Variants in GMPR observed in about 807,000 individuals in gnomAD.
The protein encoded by GMPR is guanosine monophosphate reductase, also known as GMP reductase 1.
A neutral mutation model predicts 38.4 loss-of-function variants in GMPR; 31 were observed. The observed-to-expected ratio is 0.81, with a 90% confidence interval of 0.61 to 1.09. The LOEUF is 1.09. Ranked by LOEUF, GMPR falls within the 50% of genes least tolerant of loss-of-function variation. The pLI is 0.00. For missense variants in GMPR, 468 were observed against 453.7 expected (o/e 1.03, Z -0.29); for synonymous variants, 162 against 173.3 (o/e 0.93, Z 0.51).
chr6:16,254,662 C>G lies in GMPR; in HGVS notation c.392C>G (p.Ala131Gly). ...GTTAAGTTTATTTGCCTGGATGTGG[C>G]CAATGGGTATTCAGAACATTTTGTG... ...PQVKFICLDV[A>G]NGYSEHFVEF... The change falls in exon 4 of 9, where the codon GCC becomes GGC. Residue 131 changes from alanine (A) to glycine (G), a missense_variant. Coordinates refer to ENST00000259727, the MANE Select transcript of GMPR (RefSeq NM_006877.4). 6.2e-7 allele frequency: 1 copy of G among 1,613,434 alleles called. No homozygotes were observed. The highest frequency in any genetic ancestry group is 8.5e-7 in the Non-Finnish European group (1 of 1,179,358).
intron 4 of GMPR, among the ~76,000 whole-genome samples, chr6:16,264,107 CAG>C (rs1759143525): frequency 6.6e-6 from 1 of 151,980 alleles, no homozygotes; most frequent in Non-Finnish European, 1.5e-5. Context: ...GTAGAATAAT[CAG>C]AGGTGTCCCT....
intron 7 of GMPR, among the ~76,000 whole-genome samples, chr6:16,289,132 C>T (rs547437293): frequency 1.3e-5 from 2 of 152,230 alleles, no homozygotes; most frequent in Admixed American, 6.5e-5. Context: ...GCCCACACTG[C>T]TTTTATGAGC....
intron 3 of GMPR, among the ~76,000 whole-genome samples, chr6:16,253,486 A>C (rs959363903): frequency 2.0e-5 from 3 of 152,138 alleles, no homozygotes; most frequent in Non-Finnish European, 4.4e-5. Flanking sequence ...AGAGGGTGGG[A>C]GGTCACACAC....
intron 8 of GMPR, among the ~76,000 whole-genome samples, chr6:16,294,764 C>T (rs999902061): frequency 7.9e-5 from 12 of 152,188 alleles, no homozygotes; most frequent in East Asian, 3.9e-4. Context: ...CTTTCCTCTC[C>T]GCAACATGCA....
rs888831802 is a variant in GMPR, at chr6:16,246,757, C to G, written c.88-85C>G. On this transcript the variant is annotated intron_variant, in intron 1 of 8. Transcript: ENST00000259727. ...GACCTTTGTCTTGTTCCTACTCGCTCCAAACTCCAGAAATTCTGCACATTT... is the reference window on the plus strand; with the variant it reads ...GACCTTTGTCTTGTTCCTACTCGCTGCAAACTCCAGAAATTCTGCACATTT... The G allele has an allele frequency of 3.6e-6, 5 of 1,371,888 alleles. No homozygotes were observed. The African/African-American group carries it at 4.3e-5, about 12-fold the overall frequency. The allele number at this position is 1,371,888 out of a possible 1,614,324, so 85.0% of individuals were successfully genotyped here.
chr6:16,266,672 G>A (rs985116961), intron 4 of GMPR, among the ~76,000 whole-genome samples: 3 of 151,404 alleles, frequency 2.0e-5, no homozygotes, highest in Admixed American at 6.6e-5. Flanking sequence ...TTAGCCGGGC[G>A]CAGTGGCGGG....
At position 16,254,417 on chromosome 6, in the gene GMPR, G is replaced by A. The variant is rs76382226; in HGVS notation, c.292-145G>A. The A allele has an allele frequency of 2.8e-3, 1,849 of 660,082 alleles. 25 individuals carry two copies. In the African/African-American group the frequency reaches 0.029, roughly 10 times the overall value. The allele number at this position is 660,082 out of a possible 1,614,324, so 40.9% of individuals were successfully genotyped here. A position where few individuals can be genotyped will look rare whatever the true frequency, so the allele number is the denominator to read the frequency against. On this transcript the variant is annotated intron_variant, in intron 3 of 8. Transcript: ENST00000259727. ...CCCCTTTACCTCTGCTGTTGCATGT[G>A]TCTTGAGCAGGTGCACTGTGCATTT...
chr6:16,265,051 A>G (rs1345425639), intron 4 of GMPR, among the ~76,000 whole-genome samples: 2 of 152,206 alleles, frequency 1.3e-5, no homozygotes, highest in Non-Finnish European at 2.9e-5. Context: ...AGGAAAGAGA[A>G]TAATGTGTTC....
intron 3 of GMPR, among the ~76,000 whole-genome samples, chr6:16,252,548 T>G (rs1007794420): frequency 2.6e-5 from 4 of 152,210 alleles, no homozygotes; most frequent in Admixed American, 6.5e-5. Context: ...TCCCTCCACC[T>G]TCTTTAAGGG....
At chr6:16,264,017 C>A (rs937061730) in intron 4 of GMPR, among the ~76,000 whole-genome samples, 4 of 151,818 alleles carry the variant, frequency 2.6e-5, no homozygotes, top group Non-Finnish European at 1.5e-5. Flanking sequence ...CTTGCCCCTT[C>A]CCCAGAAAAG....
chr6:16,286,230 C>T (rs1260986346), intron 7 of GMPR, among the ~76,000 whole-genome samples: 7 of 151,974 alleles, frequency 4.6e-5, no homozygotes, highest in Admixed American at 4.6e-4. Flanking sequence ...GCGGTTTCTC[C>T]CTGGAGGCTG....
intron 4 of GMPR, among the ~76,000 whole-genome samples, chr6:16,266,495 C>T (rs1229010035): frequency 2.2e-5 from 2 of 89,540 alleles, no homozygotes; most frequent in Admixed American, 1.7e-4. Flanking sequence ...GCACGTCCGA[C>T]GTGCCACCTT....
At chr6:16,264,921 A>T (rs1759161190) in intron 4 of GMPR, among the ~76,000 whole-genome samples, 1 of 152,082 alleles carries the variant, frequency 6.6e-6, no homozygotes. Flanking sequence ...GCCTTGCCAC[A>T]TAGGGGTAGG....
chr6:16,274,098 G>C (rs1243444193), intron 4 of GMPR, among the ~76,000 whole-genome samples: 4 of 152,160 alleles, frequency 2.6e-5, no homozygotes, highest in African/African-American at 9.7e-5. Context: ...ACAGGCGTGA[G>C]CCACCAAGCC....
At position 16,290,574 on chromosome 6, in the gene GMPR, C is replaced by G; in HGVS notation, c.810C>G (p.Ser270Arg). 1 of 1,614,134 alleles carries G rather than the reference C, an allele frequency of 6.2e-7. No homozygotes were observed. Among genetic ancestry groups the G allele is most frequent in the Non-Finnish European group, 8.5e-7 (1 of 1,179,988 alleles). ...AGCTCAAGCTCTTCTACGGGATGAGCTCTGACACCGCCATGAACAAGCACG... is the reference window on the plus strand; with the variant it reads ...AGCTCAAGCTCTTCTACGGGATGAGGTCTGACACCGCCATGAACAAGCACG... ...GRKLKLFYGM[S>R]SDTAMNKHAG... is the part of the protein sequence containing the mutation. The change falls in exon 8 of 9, where the codon AGC (serine) becomes AGG (arginine). Residue 270 changes from serine (S) to arginine (R), a missense_variant. Coordinates refer to ENST00000259727, the MANE Select transcript of GMPR (RefSeq NM_006877.4).
At chr6:16,266,990 G>A (rs981196414) in intron 4 of GMPR, among the ~76,000 whole-genome samples, 1 of 151,300 alleles carries the variant, frequency 6.6e-6, no homozygotes, top group Admixed American at 6.6e-5. Flanking sequence ...GAGGAGGAAC[G>A]AACAACTCTG....
intron 2 of GMPR, among the ~76,000 whole-genome samples, chr6:16,247,279 C>T (rs1490839624): frequency 6.6e-6 from 1 of 152,134 alleles, no homozygotes; most frequent in East Asian, 1.9e-4. Flanking sequence ...TAAGACAGAG[C>T]TGCTTTGTAT....
chr6:16,260,784 A>G (rs1357516252), intron 4 of GMPR, among the ~76,000 whole-genome samples: 1 of 151,878 alleles, frequency 6.6e-6, no homozygotes, highest in South Asian at 2.1e-4. Flanking sequence ...GCAAAGAAGG[A>G]AATATGGGGA....
chr6:16,252,710 C>T (rs534492170), intron 3 of GMPR, among the ~76,000 whole-genome samples: 1 of 152,302 alleles, frequency 6.6e-6, no homozygotes, highest in East Asian at 1.9e-4. Flanking sequence ...CAACCAATCT[C>T]AAGTTCCATA....
Sources: gnomAD v4.1 joint callset for allele counts (sites outside exome capture counted in the v4.1 genomes callset) on GRCh38, gnomAD v4.1.1 for gene constraint, MANE v1.5 for transcripts, NCBI Gene and HGNC (gene_info 2026-07-23, HGNC 2026-07-21) for gene names.